The following RALYL variants were observed in gnomAD, a reference collection of about 807,000 sequenced individuals.
RALYL encodes RALY RNA binding protein like.
A neutral mutation model predicts 35.1 loss-of-function variants in RALYL; 29 were observed. That is an observed-to-expected ratio of 0.83 (90% CI 0.61 to 1.13). The LOEUF is 1.13. Among genes scored for constraint, RALYL ranks in the 50% most tolerant of loss-of-function variants. RALYL has a pLI of 0.00. For missense variants in RALYL, 359 were observed against 360.4 expected (o/e 1.00, Z 0.03); for synonymous variants, 120 against 127.6 (o/e 0.94, Z 0.40).
At chr8:84,257,367 C>G (rs1256037175) in intron 1 of RALYL, among the ~76,000 whole-genome samples, 2 of 152,024 alleles carry the variant, frequency 1.3e-5, no homozygotes, top group South Asian at 4.1e-4. Context: ...AAAATTTATG[C>G]AGGATTTCAT....
intron 5 of RALYL, among the ~76,000 whole-genome samples, chr8:84,854,884 C>G (rs187746830): frequency 6.6e-6 from 1 of 152,074 alleles, no homozygotes; most frequent in East Asian, 1.9e-4. Context: ...TGTCTGAGTC[C>G]ACAAGGAGAA....
chr8:84,469,454 C>G (rs542029287), intron 1 of RALYL, among the ~76,000 whole-genome samples: 1 of 152,162 alleles, frequency 6.6e-6, no homozygotes, highest in Non-Finnish European at 1.5e-5. Context: ...TTAGGCTGCT[C>G]GGGTGTCAGG....
chr8:84,399,494 A>G (rs750171656), intron 1 of RALYL, among the ~76,000 whole-genome samples: 16 of 152,228 alleles, frequency 1.1e-4, no homozygotes, highest in Non-Finnish European at 1.3e-4. Context: ...TCAACAATTT[A>G]CATGCATTTA....
intron 1 of RALYL, among the ~76,000 whole-genome samples, chr8:84,426,242 G>A (rs924436203): frequency 1.3e-5 from 2 of 152,054 alleles, no homozygotes; most frequent in Non-Finnish European, 2.9e-5. Flanking sequence ...TTTGTGGCAA[G>A]AGCAGCTAAA....
At chr8:84,584,390 G>C (rs1442528845) in intron 2 of RALYL, among the ~76,000 whole-genome samples, 1 of 152,048 alleles carries the variant, frequency 6.6e-6, no homozygotes, top group Non-Finnish European at 1.5e-5. Context: ...GGATCACGTG[G>C]TCAAGAGATA....
At chr8:84,831,329 G>A (rs1355057451) in intron 4 of RALYL, among the ~76,000 whole-genome samples, 1 of 151,946 alleles carries the variant, frequency 6.6e-6, no homozygotes, top group Non-Finnish European at 1.5e-5. Flanking sequence ...TAATCGTGGA[G>A]AATTTTTGTG....
intron 2 of RALYL, among the ~76,000 whole-genome samples, chr8:84,603,394 T>G (rs1816410968): frequency 6.6e-6 from 1 of 152,158 alleles, no homozygotes; most frequent in South Asian, 2.1e-4. Context: ...ATGTTACTCT[T>G]CTTTTAAATT....
chr8:84,526,470 T>G (rs1242045128), intron 1 of RALYL, among the ~76,000 whole-genome samples: 1 of 152,192 alleles, frequency 6.6e-6, no homozygotes, highest in Non-Finnish European at 1.5e-5. Context: ...TCTGCACTGC[T>G]GCTGGTAGGA....
rs1305949492 is a variant in RALYL, at chr8:84,637,271, CT to C, written c.256+107695del. On this transcript the variant is annotated intron_variant, in intron 2 of 8. Coordinates refer to ENST00000521268, the MANE Select transcript of RALYL (RefSeq NM_173848.7). ...CTAGGACAGTTTTGCCCTTTCAAAC[CT>C]GTGTTTTCAGGTATTTAAGGAAATG... Among the ~76,000 whole-genome samples the C allele has an allele frequency of 5.3e-5, 8 of 151,960 alleles. No homozygotes were observed. The South Asian group carries it at 1.7e-3, about 32-fold the overall frequency.
chr8:84,389,141 T>C (rs1859977614), intron 1 of RALYL, among the ~76,000 whole-genome samples: 1 of 152,124 alleles, frequency 6.6e-6, no homozygotes, highest in African/African-American at 2.4e-5. Flanking sequence ...TTGTCAAAGA[T>C]CAGATAGTTG....
chr8:84,198,828 C>G (rs541466262), intron 1 of RALYL, among the ~76,000 whole-genome samples: 4 of 152,290 alleles, frequency 2.6e-5, no homozygotes, highest in African/African-American at 9.6e-5. Flanking sequence ...GACAGGAACT[C>G]ATTCTTTTCT....
intron 1 of RALYL, among the ~76,000 whole-genome samples, chr8:84,325,089 A>G (rs995494502): frequency 6.6e-6 from 1 of 152,146 alleles, no homozygotes; most frequent in Non-Finnish European, 1.5e-5. Flanking sequence ...CATTTCCCTT[A>G]AAGTTTCCTA....
At position 84,391,094 on chromosome 8, in the gene RALYL, T is replaced by A. The variant is rs114475910; in HGVS notation, c.-23-138205T>A. Among the ~76,000 whole-genome samples the A allele has an allele frequency of 1.9e-3, 289 of 152,096 alleles. 3 individuals carry two copies. The highest frequency in any genetic ancestry group is 6.8e-3 in the African/African-American group (283 of 41,542). On this transcript the variant is annotated intron_variant, in intron 1 of 8. Coordinates refer to ENST00000521268, the MANE Select transcript of RALYL (RefSeq NM_173848.7). The stretch of plus-strand genomic sequence containing the variant: ...TTGCCTTGCAAAATGCACCACTCAC[T>A]TAACATATGGGAGCACTTGTGAAAA...
At chr8:84,513,641 T>G (rs1305310800) in intron 1 of RALYL, among the ~76,000 whole-genome samples, 1 of 152,156 alleles carries the variant, frequency 6.6e-6, no homozygotes, top group African/African-American at 2.4e-5. Context: ...CTTGTTATAT[T>G]TAAATAAACG....
At chr8:84,910,660 G>T (rs6988096) in intron 8 of RALYL, among the ~76,000 whole-genome samples, 3,455 of 152,088 alleles carry the variant, frequency 0.023, 121 homozygotes, top group African/African-American at 0.079. Flanking sequence ...ATAATCATGT[G>T]CATAGCTTCT....
chr8:84,736,752 G>A (rs1847383287), intron 2 of RALYL, among the ~76,000 whole-genome samples: 1 of 151,952 alleles, frequency 6.6e-6, no homozygotes, highest in African/African-American at 2.4e-5. Flanking sequence ...TTGTATTCCA[G>A]TGTCCAGAGT....
intron 1 of RALYL, among the ~76,000 whole-genome samples, chr8:84,484,374 CAG>C (rs1428962198): frequency 6.6e-6 from 1 of 151,958 alleles, no homozygotes; most frequent in Non-Finnish European, 1.5e-5. Context: ...TGTGGTATGA[CAG>C]AGATATATTT....
At chr8:84,203,706 G>GT (rs1434781361) in intron 1 of RALYL, among the ~76,000 whole-genome samples, 1 of 152,090 alleles carries the variant, frequency 6.6e-6, no homozygotes, top group African/African-American at 2.4e-5. Context: ...AGAAGTTCAG[G>GT]TACAGAACAC....
At chr8:84,393,052 T>C (rs191119530) in intron 1 of RALYL, among the ~76,000 whole-genome samples, 1 of 152,214 alleles carries the variant, frequency 6.6e-6, no homozygotes, top group Admixed American at 6.6e-5. Context: ...TCCATTGCTA[T>C]GTAACAAATT....
Sources: gnomAD v4.1 joint callset for allele counts (sites outside exome capture counted in the v4.1 genomes callset) on GRCh38, gnomAD v4.1.1 for gene constraint, MANE v1.5 for transcripts, NCBI Gene and HGNC (gene_info 2026-07-23, HGNC 2026-07-21) for gene names.